LRP1B: variants seen among roughly 807,000 people sequenced by gnomAD.
LRP1B encodes LDL receptor related protein 1B.
Under a neutral mutation model 556.6 loss-of-function variants are expected in LRP1B, and 217 were observed. The ratio of observed to expected loss-of-function variants is 0.39; its 90% CI spans 0.35 to 0.44. LRP1B has a LOEUF of 0.44. Ranked by LOEUF, LRP1B falls within the 20% of genes least tolerant of loss-of-function variation. The probability of loss-of-function intolerance (pLI) is 1.00; values close to 1 mark genes in which losing one functional copy is unlikely to be tolerated. For missense variants in LRP1B, 5,053 were observed against 5,620.8 expected, an observed-to-expected ratio of 0.90 and a Z score of 3.23; for synonymous variants, 2,047 against 1,865.8, an observed-to-expected ratio of 1.10 and a Z score of -2.50.
At chr2:140,325,664 T>G in intron 80 of LRP1B, 98 bp downstream of exon 80, 1 of 763,534 alleles carries the variant, frequency 1.3e-6, no homozygotes, top group Non-Finnish European at 2.0e-6. Flanking sequence ...TTTAAGAAAA[T>G]CCAGAATGCA....
At chr2:140,408,171 A>T (rs1684826620) in intron 66 of LRP1B, among the ~76,000 whole-genome samples, 1 of 151,846 alleles carries the variant, frequency 6.6e-6, no homozygotes, top group African/African-American at 2.4e-5. Context: ...GACTTTGAGG[A>T]TTTACAGGCG....
At chr2:141,505,967 C>G (rs1319759769) in intron 2 of LRP1B, among the ~76,000 whole-genome samples, 1 of 152,046 alleles carries the variant, frequency 6.6e-6, no homozygotes, top group Non-Finnish European at 1.5e-5. Flanking sequence ...AATTTCCAGA[C>G]TTCTAGAACA....
At chr2:141,442,635 T>A (rs1453262385) in intron 3 of LRP1B, among the ~76,000 whole-genome samples, 1 of 152,260 alleles carries the variant, frequency 6.6e-6, no homozygotes, top group South Asian at 2.1e-4. Flanking sequence ...TGTGTCCTTG[T>A]GTTCTCATTG....
At chr2:140,237,723 GA>G (rs1400377761) in intron 89 of LRP1B, among the ~76,000 whole-genome samples, 2 of 150,526 alleles carry the variant, frequency 1.3e-5, no homozygotes, top group African/African-American at 4.9e-5. Context: ...TTTCAACATT[GA>G]AAGTCAGTAG....
chr2:140,667,984 C>G (rs1172464119), intron 41 of LRP1B, among the ~76,000 whole-genome samples: 1 of 151,982 alleles, frequency 6.6e-6, no homozygotes, highest in South Asian at 2.1e-4. Context: ...CACATGAAAA[C>G]TGAAAATTGA....
At position 141,005,512 on chromosome 2, in the gene LRP1B, G is replaced by A. The variant is rs972240710; in HGVS notation, c.2381-55C>T. ...AGAACTCTGATTCACGTTCTTTCTAGGAGGTGAACATAGATGTAATTACAT... is the reference window on the plus strand; with the variant it reads ...AGAACTCTGATTCACGTTCTTTCTAAGAGGTGAACATAGATGTAATTACAT... On this transcript the variant is annotated intron_variant, in intron 14 of 90. Transcript: ENST00000389484. 5 of 1,584,844 alleles carry A rather than the reference G, an allele frequency of 3.2e-6. No homozygotes were observed. The East Asian group carries it at 1.1e-4, about 36-fold the overall frequency.
At chr2:140,258,877 C>A (rs1032249540) in intron 86 of LRP1B, among the ~76,000 whole-genome samples, 1 of 152,102 alleles carries the variant, frequency 6.6e-6, no homozygotes, top group East Asian at 1.9e-4. Context: ...TCTTTGTCTT[C>A]CTTTACATTG....
At chr2:141,137,999 A>G (rs1211525223) in intron 7 of LRP1B, among the ~76,000 whole-genome samples, 2 of 151,910 alleles carry the variant, frequency 1.3e-5, no homozygotes, top group Admixed American at 6.6e-5. Context: ...ATGGACAACC[A>G]CAGATCTACC....
intron 1 of LRP1B, among the ~76,000 whole-genome samples, chr2:141,824,806 A>G (rs1696869091): frequency 1.3e-5 from 2 of 152,146 alleles, no homozygotes; most frequent in African/African-American, 4.8e-5. Context: ...CAGCTCTACA[A>G]AGGTGATATG....
At chr2:141,309,995 A>G (rs1187216152) in intron 3 of LRP1B, among the ~76,000 whole-genome samples, 1 of 152,192 alleles carries the variant, frequency 6.6e-6, no homozygotes, top group Admixed American at 6.5e-5. Context: ...TCATTTATAA[A>G]TTACCCAGTC....
intron 35 of LRP1B, among the ~76,000 whole-genome samples, chr2:140,752,830 C>A (rs1688627019): frequency 6.6e-6 from 1 of 152,118 alleles, no homozygotes; most frequent in African/African-American, 2.4e-5. Flanking sequence ...CTATCAAAAT[C>A]CCACACCAAA....
At chr2:140,684,128 G>A (rs1685963984) in intron 41 of LRP1B, among the ~76,000 whole-genome samples, 1 of 152,136 alleles carries the variant, frequency 6.6e-6, no homozygotes, top group African/African-American at 2.4e-5. Flanking sequence ...CTATAAAATA[G>A]GTTATAAGTA....
At chr2:141,186,191 C>T (rs965343168) in intron 7 of LRP1B, among the ~76,000 whole-genome samples, 1 of 150,956 alleles carries the variant, frequency 6.6e-6, no homozygotes, top group Non-Finnish European at 1.5e-5. Context: ...GAAGGTCAAG[C>T]TCTAGGAGTT....
At chr2:142,109,036 G>A (rs1217116569) in intron 1 of LRP1B, among the ~76,000 whole-genome samples, 2 of 152,114 alleles carry the variant, frequency 1.3e-5, no homozygotes, top group Non-Finnish European at 2.9e-5. Flanking sequence ...TATTATTTCA[G>A]GACCATTGGT....
chr2:141,946,313 C>T (rs138292896), intron 1 of LRP1B, among the ~76,000 whole-genome samples: 28 of 152,094 alleles, frequency 1.8e-4, no homozygotes, highest in African/African-American at 6.8e-4. Context: ...AACTGACCCA[C>T]TGATTACAAT....
intron 1 of LRP1B, among the ~76,000 whole-genome samples, chr2:142,109,753 C>T (rs1259485508): frequency 2.0e-5 from 3 of 151,942 alleles, no homozygotes; most frequent in Non-Finnish European, 4.4e-5. Context: ...TTGCATGAAA[C>T]CAAAAGTGTA....
chr2:140,934,767 C>T (rs1695154191), intron 20 of LRP1B, among the ~76,000 whole-genome samples: 1 of 152,114 alleles, frequency 6.6e-6, no homozygotes, highest in South Asian at 2.1e-4. Context: ...CACCTCTCTC[C>T]ATCGTTACAA....
chr2:141,159,517 C>A (rs1175596707), intron 7 of LRP1B, among the ~76,000 whole-genome samples: 2 of 152,080 alleles, frequency 1.3e-5, no homozygotes, highest in South Asian at 4.1e-4. Flanking sequence ...CAGGTGCACA[C>A]AACTGCACCC....
intron 27 of LRP1B, among the ~76,000 whole-genome samples, chr2:140,861,361 C>T (rs1692793425): frequency 6.6e-6 from 1 of 152,222 alleles, no homozygotes; most frequent in East Asian, 1.9e-4. Context: ...GAGCCAAGAT[C>T]GTGCCACTGC....
Sources: allele counts gnomAD v4.1 joint callset (sites outside exome capture counted in the v4.1 genomes callset), GRCh38; gene constraint gnomAD v4.1.1; transcripts MANE v1.5; gene names NCBI Gene and HGNC (gene_info 2026-07-23, HGNC 2026-07-21).